MIR2052HG: variants seen among roughly 807,000 people sequenced by gnomAD.
MIR2052HG encodes MIR2052 host gene.
rs1809930262 is a variant in MIR2052HG, at chr8:74,750,239, A to G, written n.372-2202A>G. Among the ~76,000 whole-genome samples, 5 of 152,254 alleles carry G rather than the reference A, an allele frequency of 3.3e-5. No individual in the cohort carries two copies. In the South Asian group the frequency reaches 1.0e-3, roughly 31 times the overall value. On this transcript the variant is annotated intron_variant and non_coding_transcript_variant, in intron 4 of 6. Transcript: ENST00000523442. ...TTAGTCACATATGCCTTTGTAAGAT[A>G]TTAAACATCTAAGTGAAAAATCAAG...
chr8:74,701,869 G>C (rs1324662548), intron 2 of MIR2052HG, among the ~76,000 whole-genome samples: 1 of 152,118 alleles, frequency 6.6e-6, no homozygotes, highest in Non-Finnish European at 1.5e-5. Context: ...GAAAAATCCA[G>C]TTAATGTCCG....
At chr8:74,621,380 A>G (rs190243769) in intron 2 of MIR2052HG, among the ~76,000 whole-genome samples, 1 of 152,306 alleles carries the variant, frequency 6.6e-6, no homozygotes. Flanking sequence ...AATTTACTAT[A>G]TTAGTCTGTT....
intron 2 of MIR2052HG, among the ~76,000 whole-genome samples, chr8:74,648,069 A>G (rs887006378): frequency 6.6e-6 from 1 of 152,210 alleles, no homozygotes; most frequent in Non-Finnish European, 1.5e-5. Context: ...AAAGATAACC[A>G]TAATGTCTGA....
At chr8:74,725,580 T>A (rs761343982) in intron 4 of MIR2052HG, among the ~76,000 whole-genome samples, 1 of 152,196 alleles carries the variant, frequency 6.6e-6, no homozygotes, top group Admixed American at 6.5e-5. Flanking sequence ...CCTGACCTAA[T>A]GGATGCTGGG....
intron 1 of MIR2052HG, among the ~76,000 whole-genome samples, chr8:74,600,658 C>T (rs1807986733): frequency 6.6e-6 from 1 of 152,046 alleles, no homozygotes; most frequent in Admixed American, 6.5e-5. Flanking sequence ...TCACTGCAAC[C>T]TCTGCCTCCC....
intron 2 of MIR2052HG, among the ~76,000 whole-genome samples, chr8:74,686,840 A>G (rs992583623): frequency 4.6e-5 from 7 of 152,152 alleles, no homozygotes. Flanking sequence ...GGCAGTTGAT[A>G]TTGAAAAGTA....
At chr8:74,719,799 T>C (rs1052240514) in intron 4 of MIR2052HG, among the ~76,000 whole-genome samples, 1 of 152,014 alleles carries the variant, frequency 6.6e-6, no homozygotes, top group African/African-American at 2.4e-5. Context: ...AGTCAGAATT[T>C]CTTTGAAGAT....
intron 2 of MIR2052HG, among the ~76,000 whole-genome samples, chr8:74,630,528 G>GGGA (rs375000242): frequency 2.4e-5 from 3 of 126,078 alleles, no homozygotes; most frequent in African/African-American, 8.7e-5. Context: ...AGATTTCTCT[G>GGGA]AAAAAAAAAA....
chr8:74,731,989 C>G (rs1382368935), intron 4 of MIR2052HG, among the ~76,000 whole-genome samples: 1 of 152,120 alleles, frequency 6.6e-6, no homozygotes, highest in Non-Finnish European at 1.5e-5. Flanking sequence ...TTCATTTTAG[C>G]TGGCAATAAG....
chr8:74,745,330 A>G (rs1809873024), intron 4 of MIR2052HG, among the ~76,000 whole-genome samples: 1 of 152,208 alleles, frequency 6.6e-6, no homozygotes, highest in Non-Finnish European at 1.5e-5. Context: ...ATGAAATATT[A>G]CCACTCTAGA....
intron 2 of MIR2052HG, among the ~76,000 whole-genome samples, chr8:74,637,473 G>A (rs1436437178): frequency 6.6e-6 from 1 of 152,042 alleles, no homozygotes; most frequent in Non-Finnish European, 1.5e-5. Flanking sequence ...TTGCCATATT[G>A]CTTGCTCACA....
At chr8:74,707,075 T>C (rs1809418486) in intron 4 of MIR2052HG, among the ~76,000 whole-genome samples, 1 of 152,142 alleles carries the variant, frequency 6.6e-6, no homozygotes, top group South Asian at 2.1e-4. Context: ...ATTTATAAAA[T>C]AACTACATTC....
chr8:74,654,820 C>A (rs1303008321), intron 2 of MIR2052HG, among the ~76,000 whole-genome samples: 1 of 152,060 alleles, frequency 6.6e-6, no homozygotes, highest in African/African-American at 2.4e-5. Flanking sequence ...GGGTAACGGG[C>A]AGAGGTTGAA....
At chr8:74,600,310 C>T (rs1234796873) in intron 1 of MIR2052HG, among the ~76,000 whole-genome samples, 2 of 150,600 alleles carry the variant, frequency 1.3e-5, no homozygotes, top group East Asian at 3.9e-4. Flanking sequence ...TTCAGGTGGG[C>T]ATGGTGGCTC....
chr8:74,633,753 G>A (rs937357378), intron 2 of MIR2052HG, among the ~76,000 whole-genome samples: 1 of 152,126 alleles, frequency 6.6e-6, no homozygotes, highest in Non-Finnish European at 1.5e-5. Flanking sequence ...GGCTTATATT[G>A]TTGATTGTCC....
chr8:74,733,824 G>T (rs1809720137), intron 4 of MIR2052HG, among the ~76,000 whole-genome samples: 1 of 149,910 alleles, frequency 6.7e-6, no homozygotes, highest in African/African-American at 2.5e-5. Context: ...GCATTTCTCT[G>T]ATGGCCAGTG....
At chr8:74,682,088 C>A (rs1485320626) in intron 2 of MIR2052HG, among the ~76,000 whole-genome samples, 1 of 152,122 alleles carries the variant, frequency 6.6e-6, no homozygotes, top group Non-Finnish European at 1.5e-5. Flanking sequence ...ATTTGCTTGA[C>A]TGTGGTGATC....
chr8:74,607,861 T>C (rs1430629654), intron 1 of MIR2052HG, among the ~76,000 whole-genome samples: 2 of 152,184 alleles, frequency 1.3e-5, no homozygotes, highest in African/African-American at 4.8e-5. Context: ...CGCTTCACCT[T>C]TGGATCAGAA....
intron 4 of MIR2052HG, among the ~76,000 whole-genome samples, chr8:74,712,558 G>T (rs767117366): frequency 4.7e-4 from 71 of 152,242 alleles, no homozygotes; most frequent in Non-Finnish European, 9.7e-4. Context: ...TAAATGTTTT[G>T]TCCAAGATCA....
Sources: allele counts gnomAD v4.1 joint callset (sites outside exome capture counted in the v4.1 genomes callset), GRCh38; gene constraint gnomAD v4.1.1; transcripts MANE v1.5; gene names NCBI Gene and HGNC (gene_info 2026-07-23, HGNC 2026-07-21).